Variants in CD8B2 observed in about 807,000 individuals in gnomAD.
CD8B2 encodes the protein CD8B family member 2.
Under a neutral mutation model 23.7 loss-of-function variants are expected in CD8B2, and 11 were observed. The observed-to-expected ratio is 0.46, with a 90% CI of 0.29 to 0.77. CD8B2 has a LOEUF of 0.77. Among genes scored for constraint, CD8B2 ranks in the 30% least tolerant of loss-of-function variants. The pLI is 0.09. For missense variants in CD8B2, 197 were observed against 270.5 expected (o/e 0.73, Z 1.91); for synonymous variants, 90 against 109.3 (o/e 0.82, Z 1.10).
At chr2:106,490,598 C>T (rs1384583699) in intron 1 of CD8B2, among the ~76,000 whole-genome samples, 7 of 152,214 alleles carry the variant, frequency 4.6e-5, no homozygotes, top group Non-Finnish European at 7.3e-5. Flanking sequence ...AAGGGCCAGG[C>T]ATATAAGTAC....
chr2:106,540,060 A>G (rs186418059), intron 5 of CD8B2, among the ~76,000 whole-genome samples: 5 of 152,360 alleles, frequency 3.3e-5, no homozygotes, highest in Admixed American at 6.5e-5. Flanking sequence ...TTATATTCCA[A>G]TAATTTTATG....
intron 4 of CD8B2, among the ~76,000 whole-genome samples, chr2:106,503,023 C>T (rs1235909763): frequency 2.7e-5 from 4 of 150,064 alleles, no homozygotes; most frequent in Non-Finnish European, 4.4e-5. Context: ...ATCCTCTCCA[C>T]GACACCGATA....
At chr2:106,515,404 TG>T (rs1679714550), downstream of CD8B2, among the ~76,000 whole-genome samples, 2 of 152,204 alleles carry the variant, frequency 1.3e-5, no homozygotes, top group Admixed American at 6.5e-5. Context: ...TGATGGTGTT[TG>T]GAGGTGGGGT....
chr2:106,518,292 AT>A, intron 5 of CD8B2, among the ~76,000 whole-genome samples: 1 of 152,328 alleles, frequency 6.6e-6, no homozygotes, highest in African/African-American at 2.4e-5. Flanking sequence ...GGAGGACATT[AT>A]TTAGGAGTTA....
chr2:106,504,338 C>T lies in CD8B2; in HGVS notation c.620+13C>T, dbSNP rs1573335864. The T allele has an allele frequency of 1.9e-6, 3 of 1,555,752 alleles. No homozygotes were observed. The highest frequency in any genetic ancestry group is 2.6e-6 in the Non-Finnish European group (3 of 1,149,328). On this transcript the variant is annotated intron_variant, in intron 5 of 5. Coordinates refer to ENST00000643224, the MANE Select transcript of CD8B2 (RefSeq NM_001349727.2). ...GTTTCATGAAACAGTAAGTGTATAA[C>T]CTGGGTGTGGCCTTGGGTTCCTCAG...
chr2:106,525,866 G>C (rs13399360), intron 5 of CD8B2, among the ~76,000 whole-genome samples: 2 of 152,172 alleles, frequency 1.3e-5, no homozygotes, highest in African/African-American at 4.8e-5. Flanking sequence ...ATAAGAGTCC[G>C]CAGTGAAGTG....
intron 5 of CD8B2, among the ~76,000 whole-genome samples, chr2:106,505,116 T>A (rs939610351): frequency 6.6e-6 from 1 of 152,178 alleles, no homozygotes; most frequent in Non-Finnish European, 1.5e-5. Flanking sequence ...TGACATTAGG[T>A]CCTGGGTCTT....
intron 5 of CD8B2, among the ~76,000 whole-genome samples, chr2:106,543,391 G>T (rs1348114065): frequency 1.3e-5 from 2 of 152,116 alleles, no homozygotes; most frequent in Admixed American, 6.5e-5. Context: ...TTAGCCGGTC[G>T]TGGTGGCACC....
chr2:106,521,023 G>GGGGAGA (rs368820759), intron 5 of CD8B2, among the ~76,000 whole-genome samples: 15 of 130,472 alleles, frequency 1.1e-4, no homozygotes, highest in African/African-American at 4.0e-4. Flanking sequence ...ATGTTTTAAG[G>GGGGAGA]GAGAGAGAGA....
chr2:106,513,529 G>A (rs1478148779), downstream of CD8B2, among the ~76,000 whole-genome samples: 17 of 150,424 alleles, frequency 1.1e-4, no homozygotes, highest in Middle Eastern at 3.4e-3. Flanking sequence ...AGGTCTCTGC[G>A]GTTGGGTGAG....
intron 2 of CD8B2, among the ~76,000 whole-genome samples, chr2:106,493,807 T>C (rs1173858198): frequency 6.6e-6 from 1 of 152,190 alleles, no homozygotes; most frequent in East Asian, 1.9e-4. Flanking sequence ...CTGCAGCCAG[T>C]GGCTGTCTAA....
At chr2:106,490,797 T>A (rs1679179302) in intron 1 of CD8B2, 77 bp from the exon 2 acceptor site, 3 of 1,531,496 alleles carry the variant, frequency 2.0e-6, no homozygotes, top group Non-Finnish European at 2.6e-6. Context: ...CCTTTGACAC[T>A]TGACTCAGTG....
intron 5 of CD8B2, among the ~76,000 whole-genome samples, chr2:106,539,107 G>T (rs1037668225): frequency 6.6e-6 from 1 of 152,186 alleles, no homozygotes; most frequent in South Asian, 2.1e-4. Context: ...TCATTTCAGG[G>T]CCAGGGCAGT....
intron 5 of CD8B2, chr2:106,522,025 C>T (rs560695647): frequency 6.6e-6 from 1 of 152,346 alleles, no homozygotes; most frequent in Admixed American, 6.5e-5. Flanking sequence ...GGAGAAGAAA[C>T]ATGAAGTCCG....
At chr2:106,494,937 C>T (rs1390135830) in intron 2 of CD8B2, among the ~76,000 whole-genome samples, 1 of 152,130 alleles carries the variant, frequency 6.6e-6, no homozygotes, top group African/African-American at 2.4e-5. Flanking sequence ...ATGACACATG[C>T]GTGGTACTCT....
rs1227392368 is a variant in CD8B2, at chr2:106,502,674, G to C, written c.583+111G>C. On this transcript the variant is annotated intron_variant, in intron 4 of 5. Transcript: ENST00000643224. ...GCAGATGGCAGCCTGGTGGGAATTT[G>C]CCTCAGAGAACCTGCGGTATTTCCG... The C allele has an allele frequency of 6.6e-6, 4 of 604,054 alleles. No homozygotes were observed. In the Admixed American group the frequency reaches 1.4e-4, roughly 22 times the overall value. 37.4% of individuals were successfully genotyped at this position (604,054 alleles called of 1,614,324 possible).
At chr2:106,529,599 T>C (rs975125271) in intron 5 of CD8B2, among the ~76,000 whole-genome samples, 1 of 152,238 alleles carries the variant, frequency 6.6e-6, no homozygotes, top group Non-Finnish European at 1.5e-5. Flanking sequence ...CCATTTTCCT[T>C]TATCTCCATT....
intron 5 of CD8B2, among the ~76,000 whole-genome samples, chr2:106,541,184 G>T (rs185309556): frequency 2.7e-4 from 41 of 152,258 alleles, no homozygotes; most frequent in Admixed American, 1.1e-3. Flanking sequence ...ATGCCTGTTT[G>T]TATCTGTGTA....
intron 3 of CD8B2, among the ~76,000 whole-genome samples, chr2:106,500,368 A>G (rs1405681581): frequency 3.0e-5 from 4 of 133,604 alleles, no homozygotes; most frequent in Non-Finnish European, 6.4e-5. Context: ...AAAACACAAA[A>G]ATCAGCCGGG....
Sources: allele counts gnomAD v4.1 joint callset (sites outside exome capture counted in the v4.1 genomes callset), GRCh38; gene constraint gnomAD v4.1.1; transcripts MANE v1.5; gene names NCBI Gene and HGNC (gene_info 2026-07-23, HGNC 2026-07-21).